The following CACNA2D2 variants were observed in gnomAD, a reference collection of about 807,000 sequenced individuals.
CACNA2D2 encodes the protein voltage-dependent calcium channel subunit alpha-2/delta-2.
CACNA2D2 carries 48 observed loss-of-function variants against 166.4 expected under a neutral mutation model. The observed-to-expected ratio is 0.29, with a 90% CI of 0.23 to 0.37. The LOEUF (loss-of-function observed/expected upper bound fraction) is 0.37. Ranked by LOEUF, CACNA2D2 falls within the 10% of genes least tolerant of loss-of-function variation. CACNA2D2 has a pLI of 1.00. For synonymous variants in CACNA2D2, 561 were observed against 573.7 expected (o/e 0.98, Z 0.32); for missense variants, 1,122 against 1,433.0 (o/e 0.78, Z 3.50).
Position 50,365,603 on chromosome 3 carries a change from T to C in CACNA2D2, c.2971+30A>G, listed in dbSNP as rs754556806. The C allele has an allele frequency of 1.5e-5, 23 of 1,573,090 alleles. No homozygotes were observed. In the African/African-American group the frequency reaches 2.0e-4, roughly 14 times the overall value. On this transcript the variant is annotated intron_variant, in intron 34 of 37. Coordinates refer to ENST00000424201, the MANE Select transcript of CACNA2D2 (RefSeq NM_006030.4). The surrounding 1 kb of genome is among the most constrained non-coding windows in gnomAD (Gnocchi z 4.5). ...CTTAGCTCAGATTGGGGACCCGGAC[T>C]TGAGGAGGCGCCTCCAAAGCCCTAC...
In CACNA2D2 at chr3:50,364,187, C is replaced by T. The variant is rs1704084438; in HGVS notation, c.*479G>A. The T allele has an allele frequency of 6.1e-6, 1 of 164,548 alleles. No individual in the cohort carries two copies. Among genetic ancestry groups the T allele is most frequent in the Admixed American group, 6.1e-5 (1 of 16,372 alleles). The allele number at this position is 164,548 out of a possible 1,614,324, so 10.2% of individuals were successfully genotyped here. A position where few individuals can be genotyped will look rare whatever the true frequency, so the allele number is the denominator to read the frequency against. The stretch of plus-strand genomic sequence containing the variant: ...GCCCATGGGGGCTGCCCCAGAGCCT[C>T]TCTCCTGCTAGGATTTAAGCTGGGA... On this transcript the variant is annotated 3_prime_UTR_variant, in exon 38 of 38. Coordinates refer to ENST00000424201, the MANE Select transcript of CACNA2D2 (RefSeq NM_006030.4).
At chr3:50,435,941 C>A (rs1378676231) in intron 2 of CACNA2D2, among the ~76,000 whole-genome samples, 1 of 152,174 alleles carries the variant, frequency 6.6e-6, no homozygotes, top group Non-Finnish European at 1.5e-5. Context: ...GTTCCCTGGG[C>A]CCCTGGGCCC....
chr3:50,476,259 C>T, intron 1 of CACNA2D2, 60 bp from the exon 2 acceptor site: 1 of 1,366,124 alleles, frequency 7.3e-7, no homozygotes, highest in Admixed American at 2.0e-5. Context: ...CACAGCCCCA[C>T]CCCAGCCAAC....
chr3:50,394,456 C>T (rs1324351237), intron 3 of CACNA2D2, among the ~76,000 whole-genome samples: 1 of 152,230 alleles, frequency 6.6e-6, no homozygotes. Flanking sequence ...CCTAGTGTCA[C>T]TCTCTACCCC....
intron 3 of CACNA2D2, among the ~76,000 whole-genome samples, chr3:50,430,564 TC>T (rs1044476500): frequency 1.3e-5 from 2 of 152,194 alleles, no homozygotes; most frequent in African/African-American, 4.8e-5. Context: ...GGCCTGTCCT[TC>T]ATCACTGCAC....
intron 3 of CACNA2D2, among the ~76,000 whole-genome samples, chr3:50,424,565 C>T (rs1707718204): frequency 6.6e-6 from 1 of 152,212 alleles, no homozygotes; most frequent in African/African-American, 2.4e-5. Flanking sequence ...TCCCCATGGG[C>T]TTGCCCCATG....
At chr3:50,471,860 G>A (rs1489514073) in intron 2 of CACNA2D2, among the ~76,000 whole-genome samples, 1 of 152,228 alleles carries the variant, frequency 6.6e-6, no homozygotes, top group Non-Finnish European at 1.5e-5. Flanking sequence ...AGAGATGGCT[G>A]GGGGCAGAGA....
chr3:50,405,759 C>T (rs1706681223), intron 3 of CACNA2D2, among the ~76,000 whole-genome samples: 1 of 152,134 alleles, frequency 6.6e-6, no homozygotes, highest in Non-Finnish European at 1.5e-5. Flanking sequence ...GGAACTGAGG[C>T]CTGGAGGGAC....
At chr3:50,429,881 G>A (rs1707989550) in intron 3 of CACNA2D2, among the ~76,000 whole-genome samples, 1 of 151,912 alleles carries the variant, frequency 6.6e-6, no homozygotes, top group South Asian at 2.1e-4. Context: ...AGAATCTGAT[G>A]CGCTTGATCT....
intron 2 of CACNA2D2, among the ~76,000 whole-genome samples, chr3:50,435,225 C>A (rs370431664): frequency 1.3e-5 from 2 of 151,790 alleles, no homozygotes; most frequent in South Asian, 4.2e-4. Flanking sequence ...GGGTCTCTAA[C>A]CCCCCAGGGG....
intron 1 of CACNA2D2, among the ~76,000 whole-genome samples, chr3:50,496,437 T>C (rs1698728664): frequency 6.6e-6 from 1 of 152,088 alleles, no homozygotes. Flanking sequence ...CACGCCCACA[T>C]ACAAGCTGAC....
At chr3:50,373,795 AG>A (rs1205964915) in intron 22 of CACNA2D2, among the ~76,000 whole-genome samples, 1 of 122,158 alleles carries the variant, frequency 8.2e-6, no homozygotes, top group Admixed American at 8.1e-5. Flanking sequence ...GGAGAGAGGT[AG>A]GAAGTGAGAG....
chr3:50,365,422 G>A lies in CACNA2D2; in HGVS notation c.3032C>T (p.Thr1011Ile), dbSNP rs766918496. 6.2e-7 allele frequency: 1 copy of A among 1,613,692 alleles called. No individual in the cohort carries two copies. Among genetic ancestry groups the A allele is most frequent in the East Asian group, 2.2e-5 (1 of 44,870 alleles). ...GTTTACCGAGCCGAAGTAGTACTGG[G>A]TCTGTTTCATGACGCAGCTGCTCTC... Reference protein sequence around the residue: ...TRESSCVMKQTQYYFGSVNAS... With the variant: ...TRESSCVMKQIQYYFGSVNAS... Residue 1011 changes from threonine (T) to isoleucine (I), a missense_variant, in exon 35 of 38, where the codon ACC becomes ATC. Thr to Ile is a moderately conservative substitution (Grantham distance 89, BLOSUM62 -1). Transcript: ENST00000424201. This position sits in a 1 kb window ranked among gnomAD's most constrained non-coding sequence, Gnocchi z 4.5.
At chr3:50,420,329 G>A (rs1039352980) in intron 3 of CACNA2D2, among the ~76,000 whole-genome samples, 3 of 152,202 alleles carry the variant, frequency 2.0e-5, no homozygotes, top group African/African-American at 7.2e-5. Flanking sequence ...TGAGCTGCAC[G>A]GGGCCCTCTG....
intron 3 of CACNA2D2, among the ~76,000 whole-genome samples, chr3:50,400,467 A>T (rs1706392212): frequency 6.6e-6 from 1 of 152,268 alleles, no homozygotes; most frequent in African/African-American, 2.4e-5. Context: ...CGGCCACCTC[A>T]GCGACTTTGT....
At chr3:50,438,219 C>T (rs772499227) in intron 2 of CACNA2D2, among the ~76,000 whole-genome samples, 2 of 152,004 alleles carry the variant, frequency 1.3e-5, no homozygotes, top group African/African-American at 4.8e-5. Flanking sequence ...ATTCCTGGTT[C>T]CCCCCCTTGT....
rs369541788 is a variant in CACNA2D2 at position 50,375,817 on chromosome 3, G to A, written c.1837C>T (p.Leu613=). ...HKQIRTLVKS[L]DERYIDEVTR... ...CAGCCCTGCCTCCTTACCTCATCCAGGGACTTGACCAACGTTCTGATCTGC... is the reference window on the plus strand; with the variant it reads ...CAGCCCTGCCTCCTTACCTCATCCAAGGACTTGACCAACGTTCTGATCTGC... The change falls in exon 20 of 38, where the codon CTG becomes TTG. Residue 613 remains leucine (L), a synonymous_variant. Transcript: ENST00000424201. The surrounding 1 kb of genome is among the most constrained non-coding windows in gnomAD (Gnocchi z 4.0). The A allele has an allele frequency of 2.0e-5, 32 of 1,613,040 alleles. No individual in the cohort carries two copies. Among genetic ancestry groups the A allele is most frequent in the Non-Finnish European group, 2.6e-5 (31 of 1,179,986 alleles).
At chr3:50,391,267 C>T (rs1705873079) in intron 4 of CACNA2D2, among the ~76,000 whole-genome samples, 1 of 152,248 alleles carries the variant, frequency 6.6e-6, no homozygotes, top group Admixed American at 6.5e-5. Flanking sequence ...CCACTCCCAG[C>T]TCATGGCTTT....
At chr3:50,435,134 G>GGTGTGTGTGT (rs58208345) in intron 2 of CACNA2D2, among the ~76,000 whole-genome samples, 4 of 149,802 alleles carry the variant, frequency 2.7e-5, no homozygotes, top group African/African-American at 9.8e-5. Flanking sequence ...TAAATCTGAG[G>GGTGTGTGTGT]GTGTGTGTGT....
Sources: allele counts gnomAD v4.1 joint callset (sites outside exome capture counted in the v4.1 genomes callset), GRCh38; gene constraint gnomAD v4.1.1; non-coding constraint Gnocchi (gnomAD v3.1); transcripts MANE v1.5; gene names NCBI Gene and HGNC (gene_info 2026-07-23, HGNC 2026-07-21).